The following HEATR5A variants were observed in gnomAD, a reference collection of about 807,000 sequenced individuals.
The protein encoded by HEATR5A is HEAT repeat-containing protein 5A.
Under a neutral mutation model 218.8 loss-of-function variants are expected in HEATR5A, and 178 were observed. The observed-to-expected ratio is 0.81, with a 90% CI of 0.72 to 0.92. The LOEUF is 0.92. HEATR5A is among the 40% of genes least tolerant of loss of function. The pLI is 0.00. For missense variants in HEATR5A, 2,420 were observed against 2,418.9 expected (o/e 1.00, Z -0.01); for synonymous variants, 864 against 871.6 (o/e 0.99, Z 0.15).
chr14:31,385,775 TG>T (rs1315071359), intron 9 of HEATR5A, among the ~76,000 whole-genome samples: 8 of 152,230 alleles, frequency 5.3e-5, no homozygotes, highest in African/African-American at 1.9e-4. Flanking sequence ...TTGCCCAGGC[TG>T]GAGTGCAGTG....
chr14:31,304,793 A>G (rs1899503460), intron 32 of HEATR5A, 112 bp downstream of exon 32: 1 of 1,050,150 alleles, frequency 9.5e-7, no homozygotes. Context: ...CAATACCCAA[A>G]TGTTTGGGTC....
At chr14:31,356,460 G>A (rs1186000372) in intron 16 of HEATR5A, among the ~76,000 whole-genome samples, 1 of 152,218 alleles carries the variant, frequency 6.6e-6, no homozygotes, top group East Asian at 1.9e-4. Flanking sequence ...CTCTTGAACT[G>A]TTGGGCTCAA....
chr14:31,326,071 G>C (rs1900256532), intron 23 of HEATR5A, 92 bp downstream of exon 23: 1 of 915,138 alleles, frequency 1.1e-6, no homozygotes, highest in Admixed American at 2.0e-5. Context: ...CAGCTAGTTA[G>C]ACAAGACTGA....
chr14:31,351,762 T>C (rs1746986937), intron 16 of HEATR5A, among the ~76,000 whole-genome samples: 1 of 151,474 alleles, frequency 6.6e-6, no homozygotes, highest in East Asian at 1.9e-4. Flanking sequence ...TAGGAACACA[T>C]TACCCACACC....
intron 13 of HEATR5A, among the ~76,000 whole-genome samples, chr14:31,370,657 A>G (rs1057153494): frequency 9.2e-5 from 14 of 152,260 alleles, no homozygotes; most frequent in African/African-American, 3.1e-4. Flanking sequence ...AAGCTTTAAA[A>G]GCAGAAAATT....
rs73259319 is a variant in HEATR5A at position 31,350,843 on chromosome 14, T to C, written c.2412-126A>G. 8.9e-3 allele frequency: 5,260 copies of C among 588,812 alleles called. 149 individuals are homozygous for C. The highest frequency in any genetic ancestry group is 0.07 in the African/African-American group (3,739 of 53,500). The allele number at this position is 588,812 out of a possible 1,614,324, so 36.5% of individuals were successfully genotyped here. ...CCCAGGCTAGAGTATACTGGCACCA[T>C]CTCGGCTCACTACAACCTCCACCTT... On this transcript the variant is annotated intron_variant, in intron 16 of 35. Transcript: ENST00000543095.
At chr14:31,294,753 A>G (rs1899124243) in intron 34 of HEATR5A, among the ~76,000 whole-genome samples, 1 of 152,128 alleles carries the variant, frequency 6.6e-6, no homozygotes, top group Non-Finnish European at 1.5e-5. Context: ...AAACAAAACA[A>G]AAAAACACCC....
At chr14:31,315,979 T>G in intron 26 of HEATR5A, 30 bp from the exon 27 acceptor site, 1 of 1,495,940 alleles carries the variant, frequency 6.7e-7, no homozygotes, top group South Asian at 1.3e-5. Context: ...AAGTTATATT[T>G]TAAAATTATA....
intron 29 of HEATR5A, 90 bp from the exon 30 acceptor site, chr14:31,308,110 TAAAC>T: frequency 3.4e-6 from 4 of 1,193,414 alleles, no homozygotes; most frequent in Middle Eastern, 2.5e-4. Flanking sequence ...GTAAGATATA[TAAAC>T]AAACAGTAAA....
At chr14:31,331,306 T>C (rs549859071) in intron 22 of HEATR5A, among the ~76,000 whole-genome samples, 86 of 152,194 alleles carry the variant, frequency 5.7e-4, no homozygotes, top group African/African-American at 1.9e-3. Flanking sequence ...GTTTCACAGA[T>C]CTCTAGGGCA....
chr14:31,309,245 G>C, intron 28 of HEATR5A, 63 bp from the exon 29 acceptor site: 6 of 1,553,386 alleles, frequency 3.9e-6, no homozygotes, highest in Non-Finnish European at 3.5e-6. Flanking sequence ...TCTTTTTTCT[G>C]TTACAAGATA....
intron 1 of HEATR5A, among the ~76,000 whole-genome samples, chr14:31,418,665 T>C (rs1369588657): frequency 6.6e-6 from 1 of 152,252 alleles, no homozygotes; most frequent in Admixed American, 6.5e-5. Flanking sequence ...GTGTTATTTA[T>C]ATGAGGACTG....
At position 31,387,308 on chromosome 14, in the gene HEATR5A, GA is replaced by G; in HGVS notation, c.1000del (p.Ser334LeufsTer4). ...WLEKNFAAFF[S>X]HILSLASPSH... Reference sequence around the variant, plus strand: ...CGGTGACGCAAGGCTTAGGATATGAGAAAAAAAGGCAGCAAAATTTTTCTCT... The same window carrying G: ...CGGTGACGCAAGGCTTAGGATATGAGAAAAAAGGCAGCAAAATTTTTCTCT... On this transcript the variant is annotated frameshift_variant, in exon 8 of 36. Transcript: ENST00000543095. LOFTEE classifies it high-confidence loss of function. The G allele has an allele frequency of 6.2e-7, 1 of 1,613,804 alleles. No individual in the cohort carries two copies. Among genetic ancestry groups the G allele is most frequent in the Non-Finnish European group, 8.5e-7 (1 of 1,179,816 alleles).
At chr14:31,369,933 CA>C (rs34006984) in intron 13 of HEATR5A, among the ~76,000 whole-genome samples, 135,196 of 139,204 alleles carry the variant, frequency 0.97, 65,721 homozygotes, top group Non-Finnish European at 0.99. Context: ...GACTCTATCT[CA>C]AAAAAAAAAA....
chr14:31,297,549 GAGA>G (rs766820226), intron 33 of HEATR5A: 1 of 152,182 alleles, frequency 6.6e-6, no homozygotes, highest in Non-Finnish European at 1.5e-5. Flanking sequence ...TGGGTGATCA[GAGA>G]AAGCCTTGAG....
chr14:31,407,600 A>ATATATATT (rs1555372423), intron 1 of HEATR5A, among the ~76,000 whole-genome samples: 17 of 846 alleles, frequency 0.02, no homozygotes, highest in Admixed American at 0.061. Context: ...ATATATATAT[A>ATATATATT]TATATATATA....
chr14:31,303,831 G>T (rs148554518), intron 32 of HEATR5A, among the ~76,000 whole-genome samples: 403 of 152,266 alleles, frequency 2.6e-3, no homozygotes, highest in Admixed American at 3.9e-3. Flanking sequence ...GAAGCCTCTT[G>T]GGTTTAGGAT....
intron 29 of HEATR5A, 94 bp from the exon 30 acceptor site, chr14:31,308,114 C>A: frequency 1.7e-6 from 2 of 1,161,744 alleles, no homozygotes; most frequent in African/African-American, 1.6e-5. Flanking sequence ...GATATATAAA[C>A]AAACAGTAAA....
Position 31,308,095 on chromosome 14 carries a change from T to C in HEATR5A, c.4691-75A>G, listed in dbSNP as rs1899614259. The stretch of plus-strand genomic sequence containing the variant: ...ATGAAATTAAGTAATTAATCTTATA[T>C]TTTGGTAAGATATATAAACAAACAG... On this transcript the variant is annotated intron_variant, in intron 29 of 35. Coordinates refer to ENST00000543095, the MANE Select transcript of HEATR5A (RefSeq NM_015473.4). The C allele has an allele frequency of 2.9e-6, 4 of 1,364,274 alleles. No homozygotes were observed. The South Asian group carries it at 4.3e-5, about 15-fold the overall frequency. The allele number at this position is 1,364,274 out of a possible 1,614,324, so 84.5% of individuals were successfully genotyped here.
Sources: gnomAD v4.1 joint callset for allele counts (sites outside exome capture counted in the v4.1 genomes callset) on GRCh38, gnomAD v4.1.1 for gene constraint, MANE v1.5 for transcripts, NCBI Gene and HGNC (gene_info 2026-07-23, HGNC 2026-07-21) for gene names.